Variants in APOA2 observed in about 807,000 individuals in gnomAD.
The protein encoded by APOA2 is apolipoprotein A2.
A neutral mutation model predicts 7.4 loss-of-function variants in APOA2; 3 were observed. The ratio of observed to expected loss-of-function variants is 0.41; its 90% CI spans 0.18 to 1.05. The LOEUF is 1.05. APOA2 is among the 50% of genes least tolerant of loss of function. APOA2 has a pLI of 0.33. For synonymous variants in APOA2, 42 were observed against 47.8 expected (o/e 0.88, Z 0.50); for missense variants, 90 against 116.3 (o/e 0.77, Z 1.04).
chr1:161,223,498 C>T (rs986234414), intron 1 of APOA2, 73 bp from the exon 2 acceptor site: 4 of 1,267,148 alleles, frequency 3.2e-6, no homozygotes, highest in African/African-American at 1.5e-5. Flanking sequence ...AGGGATCTCC[C>T]TACCTGCTGC....
chr1:161,223,245 T>G, intron 2 of APOA2, 105 bp downstream of exon 2: 1 of 1,565,716 alleles, frequency 6.4e-7, no homozygotes, highest in South Asian at 1.2e-5. Context: ...GATCTTCCTT[T>G]TGAGCCCTTT....
chr1:161,223,570 C>T (rs1331667112), intron 1 of APOA2, 25 bp downstream of exon 1: 1 of 692,898 alleles, frequency 1.4e-6, no homozygotes, highest in African/African-American at 1.8e-5. Flanking sequence ...GGATGCTGCT[C>T]ACACATCTTG....
In APOA2 at chr1:161,222,393, G is replaced by C; in HGVS notation, c.*12C>G. 6.2e-7 allele frequency: 1 copy of C among 1,610,124 alleles called. No homozygotes were observed. Among genetic ancestry groups the C allele is most frequent in the Non-Finnish European group, 8.5e-7 (1 of 1,176,322 alleles). ...AGGCCAGCTGGGGTTGGAAGACAAT[G>C]GTCTGGACACTTCACTGGGTGGCAG... is the stretch of plus-strand genomic sequence containing the variant. On this transcript the variant is annotated 3_prime_UTR_variant, in exon 4 of 4. Transcript: ENST00000367990.
chr1:161,222,742 CCTCT>C (rs1318714884), intron 3 of APOA2, among the ~76,000 whole-genome samples, 172 bp downstream of exon 3: 1 of 152,208 alleles, frequency 6.6e-6, no homozygotes, highest in Non-Finnish European at 1.5e-5. Flanking sequence ...TCTTGCTGTT[CCTCT>C]CTATCTAAGA....
In APOA2 at chr1:161,222,358, G is replaced by A. The variant is rs760110117; in HGVS notation, c.*47C>T. The A allele has an allele frequency of 5.7e-5, 81 of 1,430,644 alleles. No individual in the cohort carries two copies. Among genetic ancestry groups the A allele is most frequent in the Non-Finnish European group, 8.0e-5 (81 of 1,013,540 alleles). The allele number at this position is 1,430,644 out of a possible 1,614,324, so 88.6% of individuals were successfully genotyped here. A position where few individuals can be genotyped will look rare whatever the true frequency, so the allele number is the denominator to read the frequency against. ...ACAGGAGCTCTAGGACTGGCCAGTG[G>A]GTGTTCTAGAGGCCAGCTGGGGTTG... On this transcript the variant is annotated 3_prime_UTR_variant, in exon 4 of 4. Transcript: ENST00000367990.
At position 161,222,316 on chromosome 1, in the gene APOA2, G is replaced by T; in HGVS notation, c.*89C>A. On this transcript the variant is annotated 3_prime_UTR_variant, in exon 4 of 4. Coordinates refer to ENST00000367990, the MANE Select transcript of APOA2 (RefSeq NM_001643.2). ...CTGGATTCATTCAGCATTTATTGTAGCAAAGAGTGGGTAGGGACAGGAGCT... is the reference window on the plus strand; with the variant it reads ...CTGGATTCATTCAGCATTTATTGTATCAAAGAGTGGGTAGGGACAGGAGCT... The T allele has an allele frequency of 4.2e-6, 4 of 945,998 alleles. No homozygotes were observed. The highest frequency in any genetic ancestry group is 6.8e-6 in the Non-Finnish European group (4 of 586,974). 58.6% of individuals were successfully genotyped at this position (945,998 alleles called of 1,614,324 possible).
rs770336880 is a variant in APOA2 at position 161,222,398 on chromosome 1, G to A, written c.*7C>T. On this transcript the variant is annotated 3_prime_UTR_variant, in exon 4 of 4. Transcript: ENST00000367990. ...AGCTGGGGTTGGAAGACAATGGTCT[G>A]GACACTTCACTGGGTGGCAGGCTGT... is the stretch of plus-strand genomic sequence containing the variant. 2 of 1,612,142 alleles carry A rather than the reference G, an allele frequency of 1.2e-6. No homozygotes were observed. Among genetic ancestry groups the A allele is most frequent in the Admixed American group, 1.7e-5 (1 of 59,992 alleles).
At position 161,222,980 on chromosome 1, in the gene APOA2, C is replaced by T. The variant is rs1558091983; in HGVS notation, c.123G>A (p.Val41=). 1.2e-6 allele frequency: 2 copies of T among 1,614,102 alleles called. No homozygotes were observed. The highest frequency in any genetic ancestry group is 1.7e-6 in the Non-Finnish European group (2 of 1,180,032). Residue 41 remains valine, a synonymous_variant, in exon 3 of 4, where the codon GTG becomes GTA. Transcript: ENST00000367990. ...CCATCAGGTCCTTGCCATAGTCAGTCACGGTCTGGAAGTACTGAGAAACCA... is the reference window on the plus strand; with the variant it reads ...CCATCAGGTCCTTGCCATAGTCAGTTACGGTCTGGAAGTACTGAGAAACCA... The part of the protein sequence containing the change: ...ESLVSQYFQT[V]TDYGKDLMEK...
At position 161,223,002 on chromosome 1, in the gene APOA2, A is replaced by T; in HGVS notation, c.101T>A (p.Val34Asp). ...QAKEPCVESL[V>D]SQYFQTVTDY... is the part of the protein sequence containing the mutation. ...AGTCACGGTCTGGAAGTACTGAGAAACCAGGCTCTCCACACATGGCTCCTT... is the reference window on the plus strand; with the variant it reads ...AGTCACGGTCTGGAAGTACTGAGAATCCAGGCTCTCCACACATGGCTCCTT... Residue 34 changes from valine (V) to aspartate (D), a missense_variant, in exon 3 of 4, where the codon GTT becomes GAT. Physicochemically the swap from Val to Asp is radical, Grantham distance 152. Coordinates refer to ENST00000367990, the MANE Select transcript of APOA2 (RefSeq NM_001643.2). 6.2e-7 allele frequency: 1 copy of T among 1,613,916 alleles called. No homozygotes were observed. The highest frequency in any genetic ancestry group is 8.5e-7 in the Non-Finnish European group (1 of 1,180,002).
At position 161,222,521 on chromosome 1, in the gene APOA2, A is replaced by G. The variant is rs774770928; in HGVS notation, c.187T>C (p.Ser63Pro). Residue 63 changes from serine (S) to proline (P), a missense_variant and splice_region_variant, in exon 4 of 4, where the codon TCT becomes CCT. Ser to Pro is a moderately conservative substitution (Grantham distance 74). Coordinates refer to ENST00000367990, the MANE Select transcript of APOA2 (RefSeq NM_001643.2). ...TGCTCCTTTGACTTTTCAAAGTAAGACCTGGATAGGTGAGGGGATTAGAGT... is the reference window on the plus strand; with the variant it reads ...TGCTCCTTTGACTTTTCAAAGTAAGGCCTGGATAGGTGAGGGGATTAGAGT... ...KSPELQAEAK[S>P]YFEKSKEQLT... The G allele has an allele frequency of 6.2e-7, 1 of 1,613,330 alleles. No individual in the cohort carries two copies. The highest frequency in any genetic ancestry group is 1.7e-5 in the Admixed American group (1 of 60,014).
Position 161,222,393 on chromosome 1 carries a change from G to T in APOA2, c.*12C>A, listed in dbSNP as rs775317995. 6 of 1,610,124 alleles carry T rather than the reference G, an allele frequency of 3.7e-6. No individual in the cohort carries two copies. Among genetic ancestry groups the T allele is most frequent in the South Asian group, 3.3e-5 (3 of 90,992 alleles). ...AGGCCAGCTGGGGTTGGAAGACAAT[G>T]GTCTGGACACTTCACTGGGTGGCAG... On this transcript the variant is annotated 3_prime_UTR_variant, in exon 4 of 4. Transcript: ENST00000367990.
intron 2 of APOA2, 73 bp from the exon 3 acceptor site, chr1:161,223,123 T>C (rs759514042): frequency 6.3e-7 from 1 of 1,597,900 alleles, no homozygotes; most frequent in Non-Finnish European, 8.5e-7. Flanking sequence ...CAGCAGTGAA[T>C]CCTGGCCTCC....
Position 161,222,368 on chromosome 1 carries a change from A to T in APOA2, c.*37T>A. On this transcript the variant is annotated 3_prime_UTR_variant, in exon 4 of 4. Coordinates refer to ENST00000367990, the MANE Select transcript of APOA2 (RefSeq NM_001643.2). ...TAGGACTGGCCAGTGGGTGTTCTAG[A>T]GGCCAGCTGGGGTTGGAAGACAATG... 1 of 1,549,098 alleles carries T rather than the reference A, an allele frequency of 6.5e-7. No homozygotes were observed. The highest frequency in any genetic ancestry group is 8.9e-7 in the Non-Finnish European group (1 of 1,121,158).
chr1:161,223,158 C>T (rs758815892), intron 2 of APOA2, 108 bp from the exon 3 acceptor site: 4 of 1,585,610 alleles, frequency 2.5e-6, no homozygotes, highest in Non-Finnish European at 3.4e-6. Context: ...CAGTACCCAC[C>T]CCAGCTCTCT....
chr1:161,223,110 C>T (rs1003145358), intron 2 of APOA2, 60 bp from the exon 3 acceptor site: 44 of 1,606,800 alleles, frequency 2.7e-5, no homozygotes, highest in Non-Finnish European at 3.6e-5. Context: ...TCAGCTGGGT[C>T]CACAGCAGTG....
chr1:161,222,302 C>T lies in APOA2; in HGVS notation c.*103G>A. The stretch of plus-strand genomic sequence containing the variant: ...TACCAGGCTCAGAGCTGGATTCATT[C>T]AGCATTTATTGTAGCAAAGAGTGGG... On this transcript the variant is annotated 3_prime_UTR_variant, in exon 4 of 4. Transcript: ENST00000367990. The T allele has an allele frequency of 1.2e-6, 1 of 853,598 alleles. No individual in the cohort carries two copies. The highest frequency in any genetic ancestry group is 2.0e-6 in the Non-Finnish European group (1 of 509,026). The allele number at this position is 853,598 out of a possible 1,614,324, so 52.9% of individuals were successfully genotyped here.
chr1:161,222,359 G>T lies in APOA2; in HGVS notation c.*46C>A. ...CAGGAGCTCTAGGACTGGCCAGTGG[G>T]TGTTCTAGAGGCCAGCTGGGGTTGG... On this transcript the variant is annotated 3_prime_UTR_variant, in exon 4 of 4. Transcript: ENST00000367990. The T allele has an allele frequency of 1.4e-6, 2 of 1,441,156 alleles. No homozygotes were observed. Among genetic ancestry groups the T allele is most frequent in the Non-Finnish European group, 2.0e-6 (2 of 1,022,922 alleles). The allele number at this position is 1,441,156 out of a possible 1,614,324, so 89.3% of individuals were successfully genotyped here. A position where few individuals can be genotyped will look rare whatever the true frequency, so the allele number is the denominator to read the frequency against.
Position 161,223,362 on chromosome 1 carries a change from A to T in APOA2, c.40T>A (p.Cys14Ser). Reference protein sequence around the residue: ...LAATVLLLTICSLEGALVRRQ... With the variant: ...LAATVLLLTISSLEGALVRRQ... ...ATATCACACCCACCTTCAAGGCTGCAGATGGTGAGGAGTAGCACAGTTGCT... is the reference window on the plus strand; with the variant it reads ...ATATCACACCCACCTTCAAGGCTGCTGATGGTGAGGAGTAGCACAGTTGCT... The change falls in exon 2 of 4, where the codon TGC becomes AGC. Residue 14 changes from cysteine (C) to serine (S), a missense_variant. Coordinates refer to ENST00000367990, the MANE Select transcript of APOA2 (RefSeq NM_001643.2). The T allele has an allele frequency of 6.2e-7, 1 of 1,614,012 alleles. No homozygotes were observed. The highest frequency in any genetic ancestry group is 8.5e-7 in the Non-Finnish European group (1 of 1,179,968).
At chr1:161,222,856 T>A (rs1666193115) in intron 3 of APOA2, 62 bp downstream of exon 3, 1 of 1,613,530 alleles carries the variant, frequency 6.2e-7, no homozygotes. Context: ...GTGGGACCTC[T>A]CATCTTCCCT....
Sources: allele counts gnomAD v4.1 joint callset (sites outside exome capture counted in the v4.1 genomes callset), GRCh38; gene constraint gnomAD v4.1.1; transcripts MANE v1.5; gene names NCBI Gene and HGNC (gene_info 2026-07-23, HGNC 2026-07-21).